The following DNM2 variants were observed in gnomAD, a reference collection of about 807,000 sequenced individuals.
DNM2 encodes the protein dynamin-2.
In DNM2, 15 loss-of-function variants were observed where a neutral mutation model predicts 99.0. The observed-to-expected ratio is 0.15, with a 90% CI of 0.10 to 0.23. DNM2 has a LOEUF of 0.23. DNM2 is among the 10% of genes least tolerant of loss of function. The probability of loss-of-function intolerance (pLI) is 1.00; values close to 1 mark genes in which losing one functional copy is unlikely to be tolerated. For synonymous variants in DNM2, 525 were observed against 481.2 expected, an observed-to-expected ratio of 1.09 and a Z score of -1.19; for missense variants, 742 against 1,189.4, an observed-to-expected ratio of 0.62 and a Z score of 5.53.
chr19:10,831,232 A>T lies in DNM2; in HGVS notation c.*185A>T. On this transcript the variant is annotated 3_prime_UTR_variant, in exon 21 of 21. Transcript: ENST00000389253. This position sits in a 1 kb window ranked among gnomAD's most constrained non-coding sequence, Gnocchi z 4.3. ...TGCCTGGCTGGACACCGCACTGCGC[A>T]AAGGGGCCCTGGAGCTCCAGGCAGG... is the stretch of plus-strand genomic sequence containing the variant. 1 of 1,344,110 alleles carries T rather than the reference A, an allele frequency of 7.4e-7. No individual in the cohort carries two copies. 83.3% of individuals were successfully genotyped at this position (1,344,110 alleles called of 1,614,324 possible).
intron 1 of DNM2, among the ~76,000 whole-genome samples, chr19:10,739,048 C>T (rs1199756891): frequency 6.6e-6 from 1 of 152,040 alleles, no homozygotes; most frequent in East Asian, 1.9e-4. Context: ...GGCGCCTGTA[C>T]TGTAGTCCCA....
chr19:10,766,008 G>A (rs1010700476), intron 2 of DNM2, among the ~76,000 whole-genome samples: 1 of 152,174 alleles, frequency 6.6e-6, no homozygotes, highest in African/African-American at 2.4e-5. Context: ...CAGTCATATG[G>A]GAGCCCCGGC....
chr19:10,770,089 G>T (rs895220194), intron 2 of DNM2, among the ~76,000 whole-genome samples: 2 of 152,186 alleles, frequency 1.3e-5, no homozygotes, highest in Non-Finnish European at 2.9e-5. Context: ...CTTGTGAGGC[G>T]CAACGGGACC....
intron 11 of DNM2, among the ~76,000 whole-genome samples, chr19:10,799,187 A>G (rs1239350101): frequency 1.3e-5 from 2 of 152,202 alleles, no homozygotes; most frequent in Non-Finnish European, 2.9e-5. Context: ...TGGTCGTGCC[A>G]TCGCCCTCCA....
At chr19:10,740,242 C>G (rs2069694216) in intron 1 of DNM2, among the ~76,000 whole-genome samples, 1 of 152,044 alleles carries the variant, frequency 6.6e-6, no homozygotes, top group South Asian at 2.1e-4. Flanking sequence ...ACTTCTCTCT[C>G]CATTTTTTTA....
chr19:10,830,472 C>G lies in DNM2; in HGVS notation c.2543+94C>G, dbSNP rs981466050. 1 of 1,403,626 alleles carries G rather than the reference C, an allele frequency of 7.1e-7. No homozygotes were observed. Among genetic ancestry groups the G allele is most frequent in the African/African-American group, 1.4e-5 (1 of 70,674 alleles). The allele number at this position is 1,403,626 out of a possible 1,614,324, so 86.9% of individuals were successfully genotyped here. A position where few individuals can be genotyped will look rare whatever the true frequency, so the allele number is the denominator to read the frequency against. On this transcript the variant is annotated intron_variant, in intron 20 of 20. Coordinates refer to ENST00000389253, the MANE Select transcript of DNM2 (RefSeq NM_001005361.3). The surrounding 1 kb of genome is among the most constrained non-coding windows in gnomAD (Gnocchi z 4.8). ...CTCCCAGTGAGCTCTCACTACGTGC[C>G]CAGCTGCTGGAGTGGAGGAATCGTC...
intron 12 of DNM2, 106 bp from the exon 13 acceptor site, chr19:10,805,810 T>C: frequency 2.1e-6 from 3 of 1,416,818 alleles, no homozygotes; most frequent in Non-Finnish European, 3.0e-6. Context: ...CCTCTACCTG[T>C]GGCTGCTCAC....
intron 16 of DNM2, 37 bp from the exon 17 acceptor site, chr19:10,823,751 G>T: frequency 1.2e-6 from 2 of 1,601,286 alleles, no homozygotes; most frequent in South Asian, 2.2e-5. Context: ...CCATGGCAGG[G>T]TCAAGCTTGT....
At chr19:10,809,851 G>C (rs2072479408) in intron 14 of DNM2, 1 of 152,356 alleles carries the variant, frequency 6.6e-6, no homozygotes, top group Non-Finnish European at 1.5e-5. Context: ...CAGGGCCTGG[G>C]TGTGCAGATA....
chr19:10,831,175 T>C lies in DNM2; in HGVS notation c.*128T>C. 1.4e-6 allele frequency: 2 copies of C among 1,419,630 alleles called. No individual in the cohort carries two copies. The highest frequency in any genetic ancestry group is 3.0e-5 in the South Asian group (2 of 66,310). The allele number at this position is 1,419,630 out of a possible 1,614,324, so 87.9% of individuals were successfully genotyped here. Reference sequence around the variant, plus strand: ...CAGTGGGCAGCCCTGGCCTCTTCCTTAACGCTGGCCCCGGTCCAGGGCCGG... The same window carrying C: ...CAGTGGGCAGCCCTGGCCTCTTCCTCAACGCTGGCCCCGGTCCAGGGCCGG... On this transcript the variant is annotated 3_prime_UTR_variant, in exon 21 of 21. Coordinates refer to ENST00000389253, the MANE Select transcript of DNM2 (RefSeq NM_001005361.3). The surrounding 1 kb of genome is among the most constrained non-coding windows in gnomAD (Gnocchi z 4.3).
At chr19:10,718,638 G>A in intron 1 of DNM2, 1 of 453,964 alleles carries the variant, frequency 2.2e-6, no homozygotes, top group Non-Finnish European at 3.4e-6. Flanking sequence ...GGGCGCCGTA[G>A]GACAGGAGGT....
In DNM2 at chr19:10,818,863, C is replaced by A. The variant is rs1253715199; in HGVS notation, c.1672-1117C>A. 6.6e-6 allele frequency among the ~76,000 whole-genome samples: 1 copy of A among 152,152 alleles called. No homozygotes were observed. The highest frequency in any genetic ancestry group is 1.5e-5 in the Non-Finnish European group (1 of 68,028). ...GTGGCTTGCGCTGCCTGCCGTGTGGCCTTCGGCAGCCAGCTTCCCTCTCTG... is the reference window on the plus strand; with the variant it reads ...GTGGCTTGCGCTGCCTGCCGTGTGGACTTCGGCAGCCAGCTTCCCTCTCTG... On this transcript the variant is annotated intron_variant, in intron 15 of 20. Transcript: ENST00000389253. This position sits in a 1 kb window ranked among gnomAD's most constrained non-coding sequence, Gnocchi z 4.3.
Position 10,831,564 on chromosome 19 carries a change from T to TC in DNM2, c.*520dup, listed in dbSNP as rs1374520758. 2.0e-6 allele frequency: 2 copies of TC among 985,884 alleles called. No individual in the cohort carries two copies. The highest frequency in any genetic ancestry group is 3.5e-5 in the African/African-American group (2 of 57,194). 61.1% of individuals were successfully genotyped at this position (985,884 alleles called of 1,614,324 possible). ...GCAGGCCTGAGGTGTACATAGTCCTTCCCGGCCATATTAACCACACAGCCT... is the reference window on the plus strand; with the variant it reads ...GCAGGCCTGAGGTGTACATAGTCCTTCCCCGGCCATATTAACCACACAGCCT... On this transcript the variant is annotated 3_prime_UTR_variant, in exon 21 of 21. Coordinates refer to ENST00000389253, the MANE Select transcript of DNM2 (RefSeq NM_001005361.3). This position sits in a 1 kb window ranked among gnomAD's most constrained non-coding sequence, Gnocchi z 4.3.
At position 10,831,685 on chromosome 19, in the gene DNM2, C is replaced by T. The variant is rs962718612; in HGVS notation, c.*638C>T. On this transcript the variant is annotated 3_prime_UTR_variant, in exon 21 of 21. Transcript: ENST00000389253. The surrounding 1 kb of genome is among the most constrained non-coding windows in gnomAD (Gnocchi z 4.3). ...GCCCTATTCCTCTCCTCCTCCTCCT[C>T]CTGGGTCCCCCAGGGTGGCTGGGCT... 2.7e-4 allele frequency: 271 copies of T among 986,134 alleles called. No individual in the cohort carries two copies. Among genetic ancestry groups the T allele is most frequent in the Non-Finnish European group, 3.2e-4 (263 of 830,288 alleles). 61.1% of individuals were successfully genotyped at this position (986,134 alleles called of 1,614,324 possible).
chr19:10,805,311 C>T lies in DNM2; in HGVS notation c.1494-605C>T, dbSNP rs185243723. ...ATGGCTCTGTGGTTAGAGCCACTTACAGGCTGGTGTTGGGATCAAATGATG... is the reference window on the plus strand; with the variant it reads ...ATGGCTCTGTGGTTAGAGCCACTTATAGGCTGGTGTTGGGATCAAATGATG... On this transcript the variant is annotated intron_variant, in intron 12 of 20. Transcript: ENST00000389253. Among the ~76,000 whole-genome samples, 152 of 152,324 alleles carry T rather than the reference C, an allele frequency of 1.0e-3. 1 individual carries two copies. The highest frequency in any genetic ancestry group is 3.4e-3 in the African/African-American group (141 of 41,580).
intron 1 of DNM2, among the ~76,000 whole-genome samples, chr19:10,756,876 G>A (rs1285922397): frequency 6.6e-6 from 1 of 152,004 alleles, no homozygotes; most frequent in Non-Finnish European, 1.5e-5. Context: ...CTCTGGTTTC[G>A]CCCCTGATGT....
At chr19:10,724,096 A>AGGAGAAACATGGTTG (rs1568262268) in intron 1 of DNM2, among the ~76,000 whole-genome samples, 3 of 150,948 alleles carry the variant, frequency 2.0e-5, no homozygotes, top group African/African-American at 4.9e-5. Context: ...AAAAAAAAAA[A>AGGAGAAACATGGTTG]AAGGCGATAA....
chr19:10,721,808 G>C (rs1568260919), intron 1 of DNM2, among the ~76,000 whole-genome samples: 1 of 152,202 alleles, frequency 6.6e-6, no homozygotes, highest in African/African-American at 2.4e-5. Flanking sequence ...AGGCCTGCCT[G>C]CTGGGTCTTT....
chr19:10,727,094 C>T (rs2069140385), intron 1 of DNM2, among the ~76,000 whole-genome samples: 1 of 152,138 alleles, frequency 6.6e-6, no homozygotes, highest in African/African-American at 2.4e-5. Context: ...TGCCCTAACC[C>T]CACATGTGAA....
Sources: allele counts gnomAD v4.1 joint callset (sites outside exome capture counted in the v4.1 genomes callset), GRCh38; gene constraint gnomAD v4.1.1; non-coding constraint Gnocchi (gnomAD v3.1); transcripts MANE v1.5; gene names NCBI Gene and HGNC (gene_info 2026-07-23, HGNC 2026-07-21).